Variants in KCNMB2 observed in about 807,000 individuals in gnomAD.
The protein encoded by KCNMB2 is potassium calcium-activated channel subfamily M regulatory beta subunit 2.
A neutral mutation model predicts 24.5 loss-of-function variants in KCNMB2; 9 were observed. The observed-to-expected ratio is 0.37, with a 90% CI of 0.22 to 0.64. KCNMB2 has a LOEUF of 0.64. Among genes scored for constraint, KCNMB2 ranks in the 30% least tolerant of loss-of-function variants. The pLI is 0.63. For missense variants in KCNMB2, 226 were observed against 284.3 expected (o/e 0.79, Z 1.47); for synonymous variants, 109 against 104.4 (o/e 1.04, Z -0.27).
chr3:178,702,213 A>G (rs1459029327), intron 1 of KCNMB2, among the ~76,000 whole-genome samples: 3 of 144,290 alleles, frequency 2.1e-5, no homozygotes, highest in Non-Finnish European at 4.5e-5. Context: ...GTTCTCACTC[A>G]TAGGTGGGAA....
intron 1 of KCNMB2, among the ~76,000 whole-genome samples, chr3:178,758,180 A>C (rs185265284): frequency 1.6e-5 from 1 of 62,126 alleles, no homozygotes; most frequent in Non-Finnish European, 3.1e-5. Context: ...ATATATATAT[A>C]TCCAAGGGGA....
intron 1 of KCNMB2, among the ~76,000 whole-genome samples, chr3:178,659,477 TA>T (rs1720452288): frequency 6.6e-6 from 1 of 152,232 alleles, no homozygotes; most frequent in Non-Finnish European, 1.5e-5. Flanking sequence ...CATAGAATCT[TA>T]AAATGTTGGT....
At chr3:178,797,363 G>C (rs943362442) in intron 1 of KCNMB2, among the ~76,000 whole-genome samples, 14 of 152,046 alleles carry the variant, frequency 9.2e-5, no homozygotes, top group African/African-American at 2.7e-4. Flanking sequence ...GAGCAGTAGG[G>C]AACACTTCCA....
intron 1 of KCNMB2, among the ~76,000 whole-genome samples, chr3:178,743,902 G>T (rs1220924262): frequency 1.3e-5 from 2 of 152,192 alleles, no homozygotes; most frequent in African/African-American, 4.8e-5. Context: ...GAGAGGCATT[G>T]TTTGAAGAGA....
chr3:178,715,881 T>G (rs1374119793), intron 1 of KCNMB2, among the ~76,000 whole-genome samples: 4 of 152,124 alleles, frequency 2.6e-5, no homozygotes, highest in Non-Finnish European at 4.4e-5. Flanking sequence ...AGAACAGAAG[T>G]CAACTTTTCA....
chr3:178,685,410 A>G (rs1390831699), intron 1 of KCNMB2, among the ~76,000 whole-genome samples: 2 of 152,184 alleles, frequency 1.3e-5, no homozygotes, highest in African/African-American at 2.4e-5. Context: ...TTTCATAGAT[A>G]CCTTGAGGTT....
chr3:178,693,299 A>G (rs1721752242), intron 1 of KCNMB2, among the ~76,000 whole-genome samples: 1 of 152,162 alleles, frequency 6.6e-6, no homozygotes, highest in African/African-American at 2.4e-5. Flanking sequence ...GAATAGGAGC[A>G]GTGAGAAAGG....
At chr3:178,630,773 G>A (rs1219591468) in intron 1 of KCNMB2, among the ~76,000 whole-genome samples, 1 of 152,172 alleles carries the variant, frequency 6.6e-6, no homozygotes, top group Non-Finnish European at 1.5e-5. Context: ...GCAAATTGAT[G>A]TGAGGAATGG....
At chr3:178,591,561 A>G (rs1486679193) in intron 1 of KCNMB2, among the ~76,000 whole-genome samples, 2 of 152,146 alleles carry the variant, frequency 1.3e-5, no homozygotes, top group East Asian at 3.9e-4. Flanking sequence ...CACATTGAAG[A>G]AGGGGGTACT....
intron 1 of KCNMB2, among the ~76,000 whole-genome samples, chr3:178,759,663 G>T (rs1487140134): frequency 8.5e-5 from 6 of 70,382 alleles, no homozygotes; most frequent in Admixed American, 1.6e-4. Context: ...CTCCAAGAGG[G>T]ATATATATAT....
chr3:178,723,298 A>C (rs1055737418), intron 1 of KCNMB2, among the ~76,000 whole-genome samples: 3 of 152,190 alleles, frequency 2.0e-5, no homozygotes, highest in African/African-American at 7.2e-5. Context: ...AAATCTATGA[A>C]TCACTTTGTG....
chr3:178,805,948 G>T (rs1232158334), intron 1 of KCNMB2, among the ~76,000 whole-genome samples: 1 of 152,000 alleles, frequency 6.6e-6, no homozygotes, highest in Non-Finnish European at 1.5e-5. Context: ...CAAATCTTTA[G>T]GTCATTCATA....
At chr3:178,839,571 G>T (rs76116652) in intron 4 of KCNMB2, among the ~76,000 whole-genome samples, 1 of 152,304 alleles carries the variant, frequency 6.6e-6, no homozygotes, top group African/African-American at 2.4e-5. Flanking sequence ...AGGTTTAGTT[G>T]ACTCATGGTT....
intron 1 of KCNMB2, among the ~76,000 whole-genome samples, chr3:178,759,667 T>C (rs1215944084): frequency 3.8e-5 from 4 of 106,088 alleles, no homozygotes. Flanking sequence ...AAGAGGGATA[T>C]ATATATATAT....
chr3:178,736,009 T>A (rs1445690211), intron 1 of KCNMB2, among the ~76,000 whole-genome samples: 1 of 152,150 alleles, frequency 6.6e-6, no homozygotes, highest in Non-Finnish European at 1.5e-5. Context: ...ACTACACATT[T>A]GGCACATTTC....
chr3:178,705,641 T>C (rs1722252229), intron 1 of KCNMB2, among the ~76,000 whole-genome samples: 1 of 152,184 alleles, frequency 6.6e-6, no homozygotes, highest in Non-Finnish European at 1.5e-5. Context: ...GTTTGCACTT[T>C]GGGAAAAACT....
intron 1 of KCNMB2, among the ~76,000 whole-genome samples, chr3:178,651,518 C>T (rs1180694662): frequency 6.6e-6 from 1 of 152,122 alleles, no homozygotes; most frequent in African/African-American, 2.4e-5. Context: ...AGATTCAATG[C>T]TATCCCCATC....
At position 178,825,743 on chromosome 3, in the gene KCNMB2, G is replaced by C; in HGVS notation, c.212G>C (p.Arg71Pro). 6.2e-7 allele frequency: 1 copy of C among 1,612,616 alleles called. No homozygotes were observed. The highest frequency in any genetic ancestry group is 2.2e-5 in the East Asian group (1 of 44,826). Reference protein sequence around the residue: ...MYFLLGITLLRSYMQSVWTEE... With the variant: ...MYFLLGITLLPSYMQSVWTEE... Reference sequence around the variant, plus strand: ...TTTCTGCTGGGAATCACACTCCTGCGCTCATACATGCAGAGGTAATACCAC... The same window carrying C: ...TTTCTGCTGGGAATCACACTCCTGCCCTCATACATGCAGAGGTAATACCAC... The change falls in exon 3 of 5, where the codon CGC (arginine) becomes CCC (proline). Residue 71 changes from arginine to proline, a missense_variant. Transcript: ENST00000452583.
At chr3:178,757,825 A>ATC (rs1724194975) in intron 1 of KCNMB2, among the ~76,000 whole-genome samples, 1 of 62,196 alleles carries the variant, frequency 1.6e-5, no homozygotes, top group African/African-American at 8.1e-5. Flanking sequence ...ATATATATAC[A>ATC]CATCCATCCA....
Sources: allele counts gnomAD v4.1 joint callset (sites outside exome capture counted in the v4.1 genomes callset), GRCh38; gene constraint gnomAD v4.1.1; transcripts MANE v1.5; gene names NCBI Gene and HGNC (gene_info 2026-07-23, HGNC 2026-07-21).